ZNF248: variants seen among roughly 807,000 people sequenced by gnomAD.
ZNF248 encodes the protein zinc finger protein 248.
In ZNF248, 20 loss-of-function variants were observed where a neutral mutation model predicts 44.3. The observed-to-expected ratio is 0.45, with a 90% CI of 0.32 to 0.66. ZNF248 has a LOEUF of 0.66. ZNF248 is among the 30% of genes least tolerant of loss of function. The pLI, the probability that ZNF248 is intolerant of heterozygous loss-of-function variation, is 0.04. For synonymous variants in ZNF248, 224 were observed against 229.0 expected (o/e 0.98, Z 0.20); for missense variants, 654 against 677.0 (o/e 0.97, Z 0.38).
chr10:37,785,323 G>A (rs2047756134), intron 6 of ZNF248, among the ~76,000 whole-genome samples: 1 of 152,168 alleles, frequency 6.6e-6, no homozygotes. Context: ...AGTACAAACT[G>A]AGCAGCTGAC....
intron 3 of ZNF248, among the ~76,000 whole-genome samples, chr10:37,852,667 T>C (rs1016659676): frequency 2.0e-5 from 3 of 149,042 alleles, no homozygotes; most frequent in African/African-American, 4.9e-5. Flanking sequence ...ATAGATACAA[T>C]ATATATTTAT....
At chr10:37,777,281 C>T (rs1422754821) in intron 6 of ZNF248, among the ~76,000 whole-genome samples, 1 of 152,208 alleles carries the variant, frequency 6.6e-6, no homozygotes, top group African/African-American at 2.4e-5. Context: ...AGCTGAACTT[C>T]ACCAGCGTTG....
intron 6 of ZNF248, among the ~76,000 whole-genome samples, chr10:37,822,795 G>A (rs1197695677): frequency 6.6e-6 from 1 of 152,084 alleles, no homozygotes; most frequent in African/African-American, 2.4e-5. Context: ...AATGTTTTAA[G>A]AAAATTTACA....
chr10:37,767,370 G>A, the ZNF248 span, among the ~76,000 whole-genome samples: 1 of 152,176 alleles, frequency 6.6e-6, no homozygotes, highest in African/African-American at 2.4e-5. Flanking sequence ...AGGGCAGCCA[G>A]AGAGAAAGGT....
intron 3 of ZNF248, among the ~76,000 whole-genome samples, chr10:37,843,916 T>C (rs2134342541): frequency 2.0e-5 from 3 of 152,102 alleles, no homozygotes; most frequent in Admixed American, 2.0e-4. Context: ...CTAAGGGACC[T>C]GTGGGACACC....
chr10:37,762,033 C>A, the ZNF248 span, among the ~76,000 whole-genome samples: 466 of 152,274 alleles, frequency 3.1e-3, 3 homozygotes, highest in African/African-American at 0.011. Flanking sequence ...ATCTGTTAAT[C>A]ATTATGAAAT....
At chr10:37,848,410 C>A (rs190356786) in intron 3 of ZNF248, among the ~76,000 whole-genome samples, 1 of 151,848 alleles carries the variant, frequency 6.6e-6, no homozygotes, top group East Asian at 1.9e-4. Flanking sequence ...TGGGGAAACC[C>A]CGTCTCTACT....
At chr10:37,818,932 A>T in intron 6 of ZNF248, 1 of 1,109,586 alleles carries the variant, frequency 9.0e-7, no homozygotes, top group South Asian at 1.2e-5. Flanking sequence ...CACCGACCAC[A>T]CAACAATTTT....
Position 37,823,191 on chromosome 10 carries a change from G to C in ZNF248, c.330+9834C>G, listed in dbSNP as rs562706708. 9.8e-4 allele frequency among the ~76,000 whole-genome samples: 149 copies of C among 151,626 alleles called. 1 individual carries two copies. The highest frequency in any genetic ancestry group is 1.8e-3 in the Non-Finnish European group (125 of 67,876). ...TCTACTAAAAATACAAAAATTAGCT[G>C]GTCATGGTGGCACGTGCCTGTAGTC... On this transcript the variant is annotated intron_variant, in intron 6 of 6. Coordinates refer to the ZNF248 transcript ENST00000615949.
intron 6 of ZNF248, among the ~76,000 whole-genome samples, chr10:37,801,455 C>A (rs1427991413): frequency 1.3e-5 from 2 of 151,734 alleles, no homozygotes; most frequent in East Asian, 3.9e-4. Flanking sequence ...ACAGATCAGC[C>A]TAGATAAAAA....
intron 6 of ZNF248, among the ~76,000 whole-genome samples, chr10:37,783,018 C>G (rs961257633): frequency 5.3e-5 from 8 of 152,090 alleles, no homozygotes; most frequent in African/African-American, 1.9e-4. Flanking sequence ...GCAAATAGAC[C>G]ATACAGATGA....
At chr10:37,791,290 C>A (rs1385510639) in intron 6 of ZNF248, among the ~76,000 whole-genome samples, 1 of 151,926 alleles carries the variant, frequency 6.6e-6, no homozygotes, top group African/African-American at 2.4e-5. Context: ...GATCCACCTA[C>A]CTCGGCCTCC....
chr10:37,779,508 C>T (rs563214709), intron 6 of ZNF248, among the ~76,000 whole-genome samples: 5,596 of 151,872 alleles, frequency 0.037, 319 homozygotes, highest in African/African-American at 0.13. Context: ...ATTGATGGGA[C>T]GTATTTCAAA....
chr10:37,768,088 C>T, the ZNF248 span, among the ~76,000 whole-genome samples: 15 of 152,092 alleles, frequency 9.9e-5, no homozygotes, highest in Middle Eastern at 3.2e-3. Context: ...ATCCTAAATA[C>T]GTATGCACCC....
chr10:37,804,683 C>G (rs2050306204), intron 6 of ZNF248, among the ~76,000 whole-genome samples: 1 of 152,202 alleles, frequency 6.6e-6, no homozygotes, highest in Admixed American at 6.5e-5. Flanking sequence ...GTGATCCACT[C>G]ACCCTGCCTA....
intron 6 of ZNF248, among the ~76,000 whole-genome samples, chr10:37,784,294 A>G (rs1164314051): frequency 2.0e-5 from 3 of 152,216 alleles, no homozygotes; most frequent in Non-Finnish European, 4.4e-5. Context: ...GTCCATCTTA[A>G]AGTCCAGAGT....
chr10:37,842,915 A>G (rs1447018313), intron 3 of ZNF248, among the ~76,000 whole-genome samples: 1 of 152,202 alleles, frequency 6.6e-6, no homozygotes, highest in Non-Finnish European at 1.5e-5. Context: ...TTTCACCTCC[A>G]GCTATTCTCG....
chr10:37,806,745 T>C (rs190066649), intron 6 of ZNF248, among the ~76,000 whole-genome samples: 1 of 152,310 alleles, frequency 6.6e-6, no homozygotes, highest in East Asian at 1.9e-4. Context: ...GTTATAAATT[T>C]TGATAAAGTA....
At chr10:37,843,549 C>G (rs903934228) in intron 3 of ZNF248, among the ~76,000 whole-genome samples, 1 of 151,892 alleles carries the variant, frequency 6.6e-6, no homozygotes, top group Non-Finnish European at 1.5e-5. Flanking sequence ...AGAAGGTATT[C>G]AAAGACACAA....
Sources: allele counts gnomAD v4.1 joint callset (sites outside exome capture counted in the v4.1 genomes callset), GRCh38; gene constraint gnomAD v4.1.1; transcripts MANE v1.5; gene names NCBI Gene and HGNC (gene_info 2026-07-23, HGNC 2026-07-21).